The following FBXO32 variants were observed in gnomAD, a reference collection of about 807,000 sequenced individuals.
The protein encoded by FBXO32 is F-box only protein 32.
In FBXO32, 15 loss-of-function variants were observed where a neutral mutation model predicts 48.3. That is an observed-to-expected ratio of 0.31 (90% CI 0.21 to 0.48). FBXO32 has a LOEUF of 0.48. Among genes scored for constraint, FBXO32 ranks in the 20% least tolerant of loss-of-function variants. The pLI is 0.99. For missense variants in FBXO32, 309 were observed against 432.7 expected, an observed-to-expected ratio of 0.71 and a Z score of 2.54; for synonymous variants, 154 against 165.9, an observed-to-expected ratio of 0.93 and a Z score of 0.55.
At position 123,525,253 on chromosome 8, in the gene FBXO32, A is replaced by G. The variant is rs953016529; in HGVS notation, c.372+6645T>C. Among the ~76,000 whole-genome samples the G allele has an allele frequency of 6.6e-6, 1 of 152,228 alleles. No homozygotes were observed. Among genetic ancestry groups the G allele is most frequent in the African/African-American group, 2.4e-5 (1 of 41,460 alleles). On this transcript the variant is annotated intron_variant, in intron 4 of 8. Transcript: ENST00000517956. The surrounding 1 kb of genome is among the most constrained non-coding windows in gnomAD (Gnocchi z 4.3). Reference sequence around the variant, plus strand: ...TTAGGGTGGTAACGCAGAAAAAAATAAGAATGTGCATCAGTTTAGGTTGTG... The same window carrying G: ...TTAGGGTGGTAACGCAGAAAAAAATGAGAATGTGCATCAGTTTAGGTTGTG...
At position 123,513,424 on chromosome 8, in the gene FBXO32, G is replaced by GGTGTTCCAGT; in HGVS notation, c.467-43_467-42insACTGGAACAC. ...AAAAATAATTAAAGTTATGATACTG[G>GGTGTTCCAGT]AACACCCTGTATTTTACACATGAGC... is the stretch of plus-strand genomic sequence containing the variant. On this transcript the variant is annotated intron_variant, in intron 5 of 8. Coordinates refer to ENST00000517956, the MANE Select transcript of FBXO32 (RefSeq NM_058229.4). The surrounding 1 kb of genome is among the most constrained non-coding windows in gnomAD (Gnocchi z 4.3). 1 of 1,522,028 alleles carries GGTGTTCCAGT rather than the reference G, an allele frequency of 6.6e-7. No individual in the cohort carries two copies. The highest frequency in any genetic ancestry group is 9.0e-7 in the Non-Finnish European group (1 of 1,106,106). 94.3% of individuals were successfully genotyped at this position (1,522,028 alleles called of 1,614,324 possible). A position where few individuals can be genotyped will look rare whatever the true frequency, so the allele number is the denominator to read the frequency against.
At chr8:123,536,397 T>C (rs1477209762) in intron 1 of FBXO32, among the ~76,000 whole-genome samples, 1 of 152,144 alleles carries the variant, frequency 6.6e-6, no homozygotes, top group African/African-American at 2.4e-5. Context: ...TTTGCATGAC[T>C]ATAGGGGTAC....
Position 123,541,168 on chromosome 8 carries a change from G to C in FBXO32, c.-154C>G, listed in dbSNP as rs1188535847. 5.0e-6 allele frequency: 2 copies of C among 396,054 alleles called. No individual in the cohort carries two copies. The highest frequency in any genetic ancestry group is 4.2e-5 in the African/African-American group (2 of 47,252). 24.5% of individuals were successfully genotyped at this position (396,054 alleles called of 1,614,324 possible). On this transcript the variant is annotated 5_prime_UTR_variant, in exon 1 of 9. Transcript: ENST00000517956. ...CGGGGCACCCTGCGGGGTGGCGGGC[G>C]CGGAGAGGATCTCAAGCGTTGCAGG... is the stretch of plus-strand genomic sequence containing the variant.
intron 6 of FBXO32, among the ~76,000 whole-genome samples, chr8:123,507,644 T>C (rs1586988958): frequency 6.6e-6 from 1 of 152,292 alleles, no homozygotes; most frequent in African/African-American, 2.4e-5. Context: ...GAGCTTCTGG[T>C]ACATCCCTGA....
At position 123,506,366 on chromosome 8, in the gene FBXO32, A is replaced by C; in HGVS notation, c.834+26T>G. ...GTGAGGGCCAGAGAAGGAGGGTGGGAGGAAAGCCCACTGGGCCTTGCTGAC... is the reference window on the plus strand; with the variant it reads ...GTGAGGGCCAGAGAAGGAGGGTGGGCGGAAAGCCCACTGGGCCTTGCTGAC... On this transcript the variant is annotated intron_variant, in intron 7 of 8. Transcript: ENST00000517956. The surrounding 1 kb of genome is among the most constrained non-coding windows in gnomAD (Gnocchi z 4.0). 6.2e-7 allele frequency: 1 copy of C among 1,610,310 alleles called. No homozygotes were observed. Among genetic ancestry groups the C allele is most frequent in the Non-Finnish European group, 8.5e-7 (1 of 1,178,912 alleles).
At chr8:123,524,144 T>G (rs1049839984) in intron 4 of FBXO32, among the ~76,000 whole-genome samples, 1 of 152,186 alleles carries the variant, frequency 6.6e-6, no homozygotes, top group Non-Finnish European at 1.5e-5. Flanking sequence ...CTAATTTCTG[T>G]GGGTACCCTC....
Position 123,504,684 on chromosome 8 carries a change from G to A in FBXO32, c.898C>T (p.Leu300Phe), listed in dbSNP as rs369362393. The change falls in exon 8 of 9, where the codon CTT (leucine) becomes TTT (phenylalanine). Residue 300 changes from leucine to phenylalanine, a missense_variant. Physicochemically the swap from Leu to Phe is conservative, Grantham distance 22. Transcript: ENST00000517956. ...TCTTTCCTTGGGTAACATCGGACAA[G>A]TTTGAAATACATCTTCTTCCAATCC... The part of the protein sequence containing the change: ...QLDWKKMYFK[L>F]VRCYPRKEQY... 190 of 1,613,948 alleles carry A rather than the reference G, an allele frequency of 1.2e-4. No homozygotes were observed. The highest frequency in any genetic ancestry group is 1.6e-4 in the Non-Finnish European group (188 of 1,179,996).
intron 4 of FBXO32, among the ~76,000 whole-genome samples, chr8:123,531,547 G>A (rs1817209280): frequency 6.6e-6 from 1 of 152,220 alleles, no homozygotes; most frequent in Non-Finnish European, 1.5e-5. Context: ...TGCTAAGGCT[G>A]TTGCCAGGGC....
rs1816397729 is a variant in FBXO32, at chr8:123,498,208, A to AGAT, written c.*5162_*5164dup. 6.6e-6 allele frequency: 1 copy of AGAT among 152,262 alleles called. No individual in the cohort carries two copies. The highest frequency in any genetic ancestry group is 6.5e-5 in the Admixed American group (1 of 15,292). The allele number at this position is 152,262 out of a possible 1,614,324, so 9.4% of individuals were successfully genotyped here. On this transcript the variant is annotated 3_prime_UTR_variant, in exon 9 of 9. Coordinates refer to ENST00000517956, the MANE Select transcript of FBXO32 (RefSeq NM_058229.4). The stretch of plus-strand genomic sequence containing the variant: ...TGGTGATTGGCACTTGGTAGAATAA[A>AGAT]GATGGCACCAAGGATTCCCAAGTAT...
Position 123,507,258 on chromosome 8 carries a change from A to G in FBXO32, c.652-684T>C, listed in dbSNP as rs140686603. Among the ~76,000 whole-genome samples, 15 of 152,304 alleles carry G rather than the reference A, an allele frequency of 9.8e-5. No individual in the cohort carries two copies. In the East Asian group the frequency reaches 2.1e-3, roughly 22 times the overall value. On this transcript the variant is annotated intron_variant, in intron 6 of 8. Transcript: ENST00000517956. Reference sequence around the variant, plus strand: ...TTTTCTAAAAGAAACTTTGAAAGGAACATTCTTGCTGGAACTTAAGCTCTA... The same window carrying G: ...TTTTCTAAAAGAAACTTTGAAAGGAGCATTCTTGCTGGAACTTAAGCTCTA...
At chr8:123,511,984 T>A (rs1307983549) in intron 6 of FBXO32, among the ~76,000 whole-genome samples, 2 of 152,154 alleles carry the variant, frequency 1.3e-5, no homozygotes, top group Non-Finnish European at 1.5e-5. Flanking sequence ...GGAACTTGGG[T>A]CTCACATTCA....
chr8:123,535,955 C>A (rs1817302522), intron 1 of FBXO32, among the ~76,000 whole-genome samples: 1 of 151,692 alleles, frequency 6.6e-6, no homozygotes, highest in Non-Finnish European at 1.5e-5. Context: ...CAATTATGTA[C>A]ATCTGCACTT....
intron 4 of FBXO32, among the ~76,000 whole-genome samples, chr8:123,530,515 G>A (rs1817178428): frequency 6.6e-6 from 1 of 152,212 alleles, no homozygotes; most frequent in Non-Finnish European, 1.5e-5. Context: ...GCTTTGGAGG[G>A]CAGGCAGGGA....
intron 4 of FBXO32, among the ~76,000 whole-genome samples, chr8:123,521,538 G>T (rs1183020864): frequency 3.9e-5 from 6 of 152,204 alleles, no homozygotes; most frequent in African/African-American, 1.4e-4. Context: ...CCTGAGATCT[G>T]GAGGGACAGT....
chr8:123,506,326 C>G lies in FBXO32; in HGVS notation c.834+66G>C. 2 of 1,547,298 alleles carry G rather than the reference C, an allele frequency of 1.3e-6. No individual in the cohort carries two copies. The highest frequency in any genetic ancestry group is 1.8e-6 in the Non-Finnish European group (2 of 1,129,966). On this transcript the variant is annotated intron_variant, in intron 7 of 8. Coordinates refer to ENST00000517956, the MANE Select transcript of FBXO32 (RefSeq NM_058229.4). The surrounding 1 kb of genome is among the most constrained non-coding windows in gnomAD (Gnocchi z 4.0). The stretch of plus-strand genomic sequence containing the variant: ...CCAGACCTCAGGCTTGAGCAGGGCA[C>G]CAAGGAAGTTTGGGGTGAGGGCCAG...
In FBXO32 at chr8:123,501,535, A is replaced by C. The variant is rs1436706705; in HGVS notation, c.*1838T>G. 1 of 152,182 alleles carries C rather than the reference A, an allele frequency of 6.6e-6. No homozygotes were observed. Among genetic ancestry groups the C allele is most frequent in the East Asian group, 1.9e-4 (1 of 5,190 alleles). 9.4% of individuals were successfully genotyped at this position (152,182 alleles called of 1,614,324 possible). On this transcript the variant is annotated 3_prime_UTR_variant, in exon 9 of 9. Coordinates refer to ENST00000517956, the MANE Select transcript of FBXO32 (RefSeq NM_058229.4). The stretch of plus-strand genomic sequence containing the variant: ...TTTTTTTCTCAGGGGGATGATAATG[A>C]AAAAAACTGGAGAAATTCTGGCGTA...
chr8:123,507,867 A>G (rs1256330331), intron 6 of FBXO32, among the ~76,000 whole-genome samples: 1 of 152,166 alleles, frequency 6.6e-6, no homozygotes, highest in East Asian at 1.9e-4. Context: ...GGCAGAAACA[A>G]ATAATCATAA....
At position 123,506,860 on chromosome 8, in the gene FBXO32, G is replaced by A. The variant is rs1355153566; in HGVS notation, c.652-286C>T. Among the ~76,000 whole-genome samples the A allele has an allele frequency of 6.6e-6, 1 of 152,174 alleles. No homozygotes were observed. Among genetic ancestry groups the A allele is most frequent in the African/African-American group, 2.4e-5 (1 of 41,418 alleles). ...TAAAGACTCTCCAAATAGCGCATGT[G>A]CTTTACTCAGTTCACACAATTACAA... On this transcript the variant is annotated intron_variant, in intron 6 of 8. Coordinates refer to ENST00000517956, the MANE Select transcript of FBXO32 (RefSeq NM_058229.4). This position sits in a 1 kb window ranked among gnomAD's most constrained non-coding sequence, Gnocchi z 4.0.
intron 2 of FBXO32, among the ~76,000 whole-genome samples, 158 bp downstream of exon 2, chr8:123,534,544 G>C (rs79243951): frequency 4.8e-4 from 73 of 152,304 alleles, no homozygotes; most frequent in African/African-American, 1.7e-3. Flanking sequence ...GCACAGCCAG[G>C]TTTCTGAGTG....
Sources: gnomAD v4.1 joint callset for allele counts (sites outside exome capture counted in the v4.1 genomes callset) on GRCh38, gnomAD v4.1.1 for gene constraint, Gnocchi (gnomAD v3.1) non-coding constraint, MANE v1.5 for transcripts, NCBI Gene and HGNC (gene_info 2026-07-23, HGNC 2026-07-21) for gene names.